The following C2orf76 variants were observed in gnomAD, a reference collection of about 807,000 sequenced individuals.
C2orf76 encodes the protein UPF0538 protein C2orf76.
Under a neutral mutation model 16.9 loss-of-function variants are expected in C2orf76, and 23 were observed. That is an observed-to-expected ratio of 1.36 (90% confidence interval 0.98 to 1.93). C2orf76 has a LOEUF of 1.93. C2orf76 is among the 30% of genes most tolerant of loss of function. The probability of loss-of-function intolerance (pLI) is 0.00; values close to 1 mark genes in which losing one functional copy is unlikely to be tolerated. For missense variants in C2orf76, 152 were observed against 152.6 expected (o/e 1.00, Z 0.02); for synonymous variants, 48 against 52.3 (o/e 0.92, Z 0.35).
the C2orf76 span, among the ~76,000 whole-genome samples, chr2:119,288,876 C>T: frequency 6.6e-6 from 1 of 152,180 alleles, no homozygotes; most frequent in African/African-American, 2.4e-5. Flanking sequence ...TCCATCCCCT[C>T]AGCCTTGGTG....
chr2:119,350,631 G>C (rs1426890755), intron 1 of C2orf76, among the ~76,000 whole-genome samples: 4 of 152,222 alleles, frequency 2.6e-5, no homozygotes, highest in Non-Finnish European at 4.4e-5. Flanking sequence ...TTTGGTCCAA[G>C]CTGCAAGGAT....
At chr2:119,323,754 A>T (rs1679421401) in intron 2 of C2orf76, among the ~76,000 whole-genome samples, 1 of 152,236 alleles carries the variant, frequency 6.6e-6, no homozygotes, top group African/African-American at 2.4e-5. Flanking sequence ...GTGAGATCTG[A>T]GAGCATGCGC....
At chr2:119,294,363 T>C in the C2orf76 span, among the ~76,000 whole-genome samples, 2 of 152,082 alleles carry the variant, frequency 1.3e-5, no homozygotes, top group Admixed American at 1.3e-4. Flanking sequence ...AAAGAGGGTA[T>C]GGAGAACTCG....
chr2:119,311,990 A>G (rs994979172), intron 4 of C2orf76, among the ~76,000 whole-genome samples: 2 of 151,946 alleles, frequency 1.3e-5, no homozygotes, highest in African/African-American at 4.8e-5. Context: ...AAGCTACACA[A>G]CCTCTCTAGG....
At chr2:119,313,297 CA>C (rs1679056876) in intron 4 of C2orf76, among the ~76,000 whole-genome samples, 1 of 151,874 alleles carries the variant, frequency 6.6e-6, no homozygotes, top group South Asian at 2.1e-4. Flanking sequence ...ATACTTTACT[CA>C]AAAAATCATT....
At chr2:119,310,590 C>T (rs1678950704) in intron 5 of C2orf76, among the ~76,000 whole-genome samples, 1 of 152,142 alleles carries the variant, frequency 6.6e-6, no homozygotes, top group African/African-American at 2.4e-5. Context: ...CCTCACTAAC[C>T]GTGTTCCTTA....
Position 119,338,093 on chromosome 2 carries a change from G to A in C2orf76, c.133+1734C>T, listed in dbSNP as rs114829452. Among the ~76,000 whole-genome samples the A allele has an allele frequency of 3.3e-3, 502 of 152,318 alleles. 2 individuals carry two copies. The highest frequency in any genetic ancestry group is 0.012 in the African/African-American group (481 of 41,576). On this transcript the variant is annotated intron_variant, in intron 2 of 5. Transcript: ENST00000334816. The stretch of plus-strand genomic sequence containing the variant: ...ATTTCAAACTCTGACTATGCTTTGG[G>A]TAATGACCTTTCAAAAGCAGGACAC...
At chr2:119,310,417 A>C (rs1215954050) in intron 5 of C2orf76, among the ~76,000 whole-genome samples, 1 of 152,246 alleles carries the variant, frequency 6.6e-6, no homozygotes, top group Non-Finnish European at 1.5e-5. Flanking sequence ...ATCAAGTCTA[A>C]GATTTCACAA....
chr2:119,287,734 C>G, the C2orf76 span, among the ~76,000 whole-genome samples: 1 of 151,994 alleles, frequency 6.6e-6, no homozygotes, highest in Admixed American at 6.6e-5. Flanking sequence ...TTCTAGAAGA[C>G]AACACATCTT....
At chr2:119,312,768 C>G (rs1345592759) in intron 4 of C2orf76, among the ~76,000 whole-genome samples, 1 of 152,136 alleles carries the variant, frequency 6.6e-6, no homozygotes, top group Non-Finnish European at 1.5e-5. Flanking sequence ...TGGCTCATGC[C>G]TGTAATCCCA....
chr2:119,367,118 G>A (rs1681061033), upstream of C2orf76: 2 of 1,607,402 alleles, frequency 1.2e-6, no homozygotes, highest in Admixed American at 1.7e-5. Flanking sequence ...CCCGTTGGGG[G>A]CTCAGCCGGC....
chr2:119,348,546 C>T (rs908114038), intron 1 of C2orf76, among the ~76,000 whole-genome samples: 6 of 152,074 alleles, frequency 3.9e-5, no homozygotes, highest in South Asian at 4.2e-4. Context: ...ATTAGCCAGG[C>T]GTGGTGGTGC....
chr2:119,345,671 C>T (rs1010614128), intron 1 of C2orf76, among the ~76,000 whole-genome samples: 1 of 152,168 alleles, frequency 6.6e-6, no homozygotes, highest in African/African-American at 2.4e-5. Flanking sequence ...ACATTTTACC[C>T]TTCCTTTCTT....
intron 1 of C2orf76, among the ~76,000 whole-genome samples, chr2:119,363,881 G>A (rs756600513): frequency 4.0e-4 from 61 of 152,012 alleles, no homozygotes; most frequent in Non-Finnish European, 1.8e-4. Flanking sequence ...AGCCAGGCAT[G>A]GTGGCACACA....
the C2orf76 span, among the ~76,000 whole-genome samples, chr2:119,287,789 T>C: frequency 6.6e-6 from 1 of 152,182 alleles, no homozygotes; most frequent in African/African-American, 2.4e-5. Flanking sequence ...GACGCAACTG[T>C]GTGTGTTTAA....
chr2:119,303,754 CAA>C (rs1178164943), intron 5 of C2orf76, among the ~76,000 whole-genome samples: 1 of 152,074 alleles, frequency 6.6e-6, no homozygotes, highest in East Asian at 1.9e-4. Context: ...AGAAAATAAA[CAA>C]GTGTCAAAAG....
At chr2:119,357,210 G>A (rs1301378885) in intron 1 of C2orf76, among the ~76,000 whole-genome samples, 1 of 152,052 alleles carries the variant, frequency 6.6e-6, no homozygotes, top group Admixed American at 6.5e-5. Context: ...TTCACTTTAT[G>A]CAGCTAGTTT....
the C2orf76 span, among the ~76,000 whole-genome samples, chr2:119,284,747 A>G: frequency 6.6e-5 from 10 of 151,610 alleles, no homozygotes; most frequent in Non-Finnish European, 5.9e-5. Flanking sequence ...ATTCATATGC[A>G]TGGACAGGAC....
downstream of C2orf76, among the ~76,000 whole-genome samples, chr2:119,301,906 G>T (rs187403176): frequency 6.8e-6 from 1 of 148,034 alleles, no homozygotes; most frequent in Admixed American, 6.7e-5. Flanking sequence ...ATTTGTATAG[G>T]CTGCAATACT....
Sources: gnomAD v4.1 joint callset for allele counts (sites outside exome capture counted in the v4.1 genomes callset) on GRCh38, gnomAD v4.1.1 for gene constraint, MANE v1.5 for transcripts, NCBI Gene and HGNC (gene_info 2026-07-23, HGNC 2026-07-21) for gene names.